RALGPS1: variants seen among roughly 807,000 people sequenced by gnomAD.
The protein encoded by RALGPS1 is ras-specific guanine nucleotide-releasing factor RalGPS1.
A neutral mutation model predicts 78.8 loss-of-function variants in RALGPS1; 19 were observed. The observed-to-expected ratio is 0.24, with a 90% CI of 0.17 to 0.35. The LOEUF (loss-of-function observed/expected upper bound fraction) is 0.35, where lower values mean the gene tolerates loss of function less well. Among genes scored for constraint, RALGPS1 ranks in the 10% least tolerant of loss-of-function variants. The pLI is 1.00. For synonymous variants in RALGPS1, 228 were observed against 256.3 expected (o/e 0.89, Z 1.06); for missense variants, 454 against 688.3 (o/e 0.66, Z 3.81).
chr9:127,119,352 A>G (rs979845615), intron 8 of RALGPS1, among the ~76,000 whole-genome samples: 8 of 152,210 alleles, frequency 5.3e-5, no homozygotes, highest in Admixed American at 4.6e-4. Context: ...TAGGACAGCA[A>G]CCAAAGCAGA....
intron 3 of RALGPS1, among the ~76,000 whole-genome samples, chr9:126,977,349 A>G (rs577869893): frequency 2.0e-5 from 3 of 152,382 alleles, no homozygotes; most frequent in Admixed American, 1.3e-4. Flanking sequence ...AAAAAATTAC[A>G]AAAGTAGTTC....
At chr9:127,090,389 C>T (rs371722843) in intron 8 of RALGPS1, among the ~76,000 whole-genome samples, 62 of 152,352 alleles carry the variant, frequency 4.1e-4, no homozygotes, top group Non-Finnish European at 7.5e-4. Flanking sequence ...CTAGAAGCCT[C>T]GGCAGCCCCT....
chr9:127,175,677 C>CTTTTTTT (rs11354346), intron 11 of RALGPS1, among the ~76,000 whole-genome samples: 21 of 108,996 alleles, frequency 1.9e-4, no homozygotes, highest in Non-Finnish European at 2.4e-4. Flanking sequence ...TTTGGGCCTC[C>CTTTTTTT]TTTTTTTTTT....
At chr9:127,137,463 A>G (rs1272450290) in intron 8 of RALGPS1, among the ~76,000 whole-genome samples, 2 of 152,248 alleles carry the variant, frequency 1.3e-5, no homozygotes, top group Non-Finnish European at 2.9e-5. Context: ...GAGGGGCAGC[A>G]ATGAAGAGTG....
chr9:127,121,477 C>G (rs562202969), intron 8 of RALGPS1, among the ~76,000 whole-genome samples: 24 of 152,354 alleles, frequency 1.6e-4, no homozygotes, highest in African/African-American at 5.5e-4. Context: ...AGTAACTGAA[C>G]TGGCCTCTGG....
chr9:126,916,935 A>G (rs1229775664), intron 1 of RALGPS1, among the ~76,000 whole-genome samples: 1 of 152,310 alleles, frequency 6.6e-6, no homozygotes, highest in African/African-American at 2.4e-5. Context: ...GTGACCTTTC[A>G]AAGCCCAGTG....
At chr9:127,213,613 C>G (rs2062408841) in intron 17 of RALGPS1, among the ~76,000 whole-genome samples, 1 of 152,236 alleles carries the variant, frequency 6.6e-6, no homozygotes, top group African/African-American at 2.4e-5. Context: ...ACATTCAGAA[C>G]AGACTATGGT....
At chr9:127,124,916 G>A (rs1259842471) in intron 8 of RALGPS1, among the ~76,000 whole-genome samples, 4 of 152,174 alleles carry the variant, frequency 2.6e-5, no homozygotes, top group Admixed American at 2.6e-4. Context: ...AAAGAAAGTT[G>A]TTTTCACTAT....
At chr9:126,965,773 G>A (rs1279783291) in intron 2 of RALGPS1, 71 bp from the exon 3 acceptor site, 13 of 1,172,482 alleles carry the variant, frequency 1.1e-5, no homozygotes, top group Admixed American at 3.5e-5. Flanking sequence ...CCTGAATTCC[G>A]AGGAGGTTTG....
chr9:127,062,698 C>A (rs539514030), intron 7 of RALGPS1, among the ~76,000 whole-genome samples: 15 of 152,294 alleles, frequency 9.8e-5, no homozygotes, highest in Non-Finnish European at 2.1e-4. Context: ...AAATTAACTT[C>A]TGTCTGTACA....
chr9:126,941,676 TATATACTAGCTTTTC>T lies in RALGPS1; in HGVS notation c.-65-20547_-65-20533del, dbSNP rs760323375. 8.4e-4 allele frequency among the ~76,000 whole-genome samples: 128 copies of T among 152,212 alleles called. 1 individual carries two copies. Among genetic ancestry groups the T allele is most frequent in the Non-Finnish European group, 1.6e-3 (108 of 68,038 alleles). On this transcript the variant is annotated intron_variant, in intron 1 of 18. Transcript: ENST00000259351. ...CCCTAGCATCTAGGACAGTGCTTGA[TATATACTAGCTTTTC>T]AGGAAATAGTTATTGAATGAAAGCA...
intron 1 of RALGPS1, among the ~76,000 whole-genome samples, chr9:126,957,365 A>AGCTT (rs57111472): frequency 6.6e-6 from 1 of 151,912 alleles, no homozygotes; most frequent in Non-Finnish European, 1.5e-5. Context: ...GAGCAGTTTG[A>AGCTT]GCTCCATGTC....
intron 5 of RALGPS1, among the ~76,000 whole-genome samples, chr9:127,039,961 A>G (rs886583423): frequency 2.0e-5 from 3 of 152,206 alleles, no homozygotes; most frequent in Non-Finnish European, 4.4e-5. Flanking sequence ...GCATGTAGGT[A>G]GTAGGTGGTT....
intron 7 of RALGPS1, among the ~76,000 whole-genome samples, chr9:127,062,583 G>A (rs530582560): frequency 2.2e-4 from 34 of 152,166 alleles, no homozygotes; most frequent in African/African-American, 8.2e-4. Flanking sequence ...ATTTAAAATT[G>A]GTATGAAATT....
Position 127,091,761 on chromosome 9 carries a change from C to T in RALGPS1, c.610+22405C>T. The T allele has an allele frequency of 1.2e-6, 2 of 1,614,188 alleles. No individual in the cohort carries two copies. Among genetic ancestry groups the T allele is most frequent in the Non-Finnish European group, 1.7e-6 (2 of 1,180,044 alleles). ...CACCCGCATTGCCATGGTAGCGCCC[C>T]AGCCGCAGCTTATAATACTCGCTCT... On this transcript the variant is annotated intron_variant, in intron 8 of 18. Transcript: ENST00000259351. This position sits in a 1 kb window ranked among gnomAD's most constrained non-coding sequence, Gnocchi z 4.3.
chr9:127,130,346 A>G (rs751040249), intron 8 of RALGPS1, among the ~76,000 whole-genome samples: 1 of 152,196 alleles, frequency 6.6e-6, no homozygotes, highest in Non-Finnish European at 1.5e-5. Context: ...GGCTTTCTTC[A>G]TTTAGTAATT....
chr9:126,927,232 A>G (rs2035366396), intron 1 of RALGPS1, among the ~76,000 whole-genome samples: 1 of 152,140 alleles, frequency 6.6e-6, no homozygotes, highest in African/African-American at 2.4e-5. Context: ...AAGTTGTGTC[A>G]TAGGAGAGGA....
chr9:126,928,577 A>G (rs1483933744), intron 1 of RALGPS1, among the ~76,000 whole-genome samples: 2 of 152,056 alleles, frequency 1.3e-5, no homozygotes. Context: ...TTGCACAAAT[A>G]CTACCAGTGA....
intron 8 of RALGPS1, among the ~76,000 whole-genome samples, chr9:127,074,097 GTC>G (rs998785976): frequency 6.6e-6 from 1 of 152,132 alleles, no homozygotes. Context: ...GGCCAGGCTG[GTC>G]TCGAACTCCT....
Sources: gnomAD v4.1 joint callset for allele counts (sites outside exome capture counted in the v4.1 genomes callset) on GRCh38, gnomAD v4.1.1 for gene constraint, Gnocchi (gnomAD v3.1) non-coding constraint, MANE v1.5 for transcripts, NCBI Gene and HGNC (gene_info 2026-07-23, HGNC 2026-07-21) for gene names.